SLAIN1: variants seen among roughly 807,000 people sequenced by gnomAD.
SLAIN1 encodes the protein SLAIN motif-containing protein 1.
In SLAIN1, 17 loss-of-function variants were observed where a neutral mutation model predicts 55.4. The observed-to-expected ratio is 0.31, with a 90% confidence interval of 0.21 to 0.46. SLAIN1 has a LOEUF of 0.46. Among genes scored for constraint, SLAIN1 ranks in the 20% least tolerant of loss-of-function variants. The pLI is 1.00. For synonymous variants in SLAIN1, 348 were observed against 337.4 expected (o/e 1.03, Z -0.35); for missense variants, 682 against 785.1 (o/e 0.87, Z 1.57).
chr13:77,751,673 A>G (rs1387090097), intron 4 of SLAIN1, among the ~76,000 whole-genome samples: 1 of 152,116 alleles, frequency 6.6e-6, no homozygotes, highest in African/African-American at 2.4e-5. Flanking sequence ...CAGGCTGGAG[A>G]AGTATAAAGA....
intron 2 of SLAIN1, among the ~76,000 whole-genome samples, chr13:77,731,676 G>A (rs1872867099): frequency 6.6e-6 from 1 of 152,050 alleles, no homozygotes; most frequent in African/African-American, 2.4e-5. Context: ...CGTATCTAGT[G>A]ATCACCTTAT....
At chr13:77,722,744 T>C (rs1594265791) in intron 2 of SLAIN1, among the ~76,000 whole-genome samples, 4 of 152,288 alleles carry the variant, frequency 2.6e-5, no homozygotes, top group Non-Finnish European at 1.5e-5. Context: ...CATTTCTTTT[T>C]CCATCTAACT....
chr13:77,697,912 C>A lies in SLAIN1; in HGVS notation c.-2C>A. On this transcript the variant is annotated 5_prime_UTR_variant, in exon 1 of 7. Coordinates refer to ENST00000418532, the MANE Select transcript of SLAIN1 (RefSeq NM_001242868.2). ...GCGGCCGCGGCGCCCTCGGGGCCCACGATGATGGCGGAGCAGGTGAAATGC... is the reference window on the plus strand; with the variant it reads ...GCGGCCGCGGCGCCCTCGGGGCCCAAGATGATGGCGGAGCAGGTGAAATGC... 4 of 1,392,460 alleles carry A rather than the reference C, an allele frequency of 2.9e-6. No individual in the cohort carries two copies. The highest frequency in any genetic ancestry group is 1.4e-5 in the South Asian group (1 of 71,630). 86.3% of individuals were successfully genotyped at this position (1,392,460 alleles called of 1,614,324 possible).
At chr13:77,737,139 A>G (rs377322258) in intron 2 of SLAIN1, among the ~76,000 whole-genome samples, 2 of 151,830 alleles carry the variant, frequency 1.3e-5, no homozygotes, top group South Asian at 2.1e-4. Flanking sequence ...TCCATGTGCG[A>G]TGGCATCAGT....
intron 1 of SLAIN1, among the ~76,000 whole-genome samples, chr13:77,703,947 A>AT (rs1174646689): frequency 1.4e-5 from 2 of 138,202 alleles, no homozygotes; most frequent in African/African-American, 2.6e-5. Context: ...ATATACACAT[A>AT]TAAAATATAT....
intron 2 of SLAIN1, among the ~76,000 whole-genome samples, chr13:77,722,476 TAAGAA>T (rs1268333927): frequency 1.3e-5 from 2 of 152,300 alleles, no homozygotes; most frequent in Non-Finnish European, 1.5e-5. Flanking sequence ...CAGATATACT[TAAGAA>T]AAGCTATTTG....
chr13:77,699,092 G>A, intron 1 of SLAIN1: 1 of 1,511,974 alleles, frequency 6.6e-7, no homozygotes, highest in Non-Finnish European at 8.9e-7. Flanking sequence ...GCAGTCGTGT[G>A]CCCTTTTGCG....
intron 2 of SLAIN1, among the ~76,000 whole-genome samples, chr13:77,726,155 T>C (rs547803148): frequency 6.6e-6 from 1 of 152,308 alleles, no homozygotes; most frequent in South Asian, 2.1e-4. Flanking sequence ...ATTCTGCCCT[T>C]CTGCAGAAAG....
rs930738605 is a variant in SLAIN1, at chr13:77,715,838, G to T, written c.627-3694G>T. On this transcript the variant is annotated intron_variant, in intron 1 of 6. Coordinates refer to ENST00000418532, the MANE Select transcript of SLAIN1 (RefSeq NM_001242868.2). ...AAGTTCTTTGGTAGATATATGATTT[G>T]CAAATATGTCTTTCCCAATCTGTGG... Among the ~76,000 whole-genome samples the T allele has an allele frequency of 4.6e-5, 7 of 152,116 alleles. No homozygotes were observed. The South Asian group carries it at 1.5e-3, about 32-fold the overall frequency.
chr13:77,720,032 A>G (rs1279444), intron 2 of SLAIN1, among the ~76,000 whole-genome samples: 25,392 of 151,848 alleles, frequency 0.17, 2,512 homozygotes, highest in African/African-American at 0.29. Context: ...AGAAAACAGG[A>G]TTTCATGGGG....
intron 5 of SLAIN1, among the ~76,000 whole-genome samples, chr13:77,759,964 T>C (rs1441715512): frequency 6.6e-6 from 1 of 152,182 alleles, no homozygotes; most frequent in Non-Finnish European, 1.5e-5. Context: ...CTTTTTTGGG[T>C]CTTTTTCCCC....
At chr13:77,699,282 C>T (rs538929572) in intron 1 of SLAIN1, 2 of 319,004 alleles carry the variant, frequency 6.3e-6, no homozygotes, top group South Asian at 8.8e-5. Context: ...AACGAACTGT[C>T]TTTAATTTTT....
intron 2 of SLAIN1, among the ~76,000 whole-genome samples, chr13:77,732,290 T>C (rs1442470758): frequency 6.6e-6 from 1 of 152,132 alleles, no homozygotes; most frequent in Non-Finnish European, 1.5e-5. Context: ...GCGTGAAGAC[T>C]CTTAGTAAAA....
chr13:77,713,835 T>G (rs9574101), intron 1 of SLAIN1, among the ~76,000 whole-genome samples: 26,787 of 152,018 alleles, frequency 0.18, 2,834 homozygotes, highest in African/African-American at 0.27. Context: ...GGAATACTGT[T>G]CAGCCATAAA....
intron 3 of SLAIN1, among the ~76,000 whole-genome samples, chr13:77,745,954 A>C (rs897118316): frequency 4.6e-5 from 7 of 152,102 alleles, no homozygotes; most frequent in Non-Finnish European, 2.9e-5. Context: ...ATGACCTAAA[A>C]CTATTAGAAG....
At position 77,697,942 on chromosome 13, in the gene SLAIN1, C is replaced by G; in HGVS notation, c.29C>G (p.Ser10Trp). ...ATGGCGGAGCAGGTGAAATGCGCCT[C>G]GGCAGGGGTCAGCTCTGGAGCGGGC... MMAEQVKCA[S>W]AGVSSGAGSG... The change falls in exon 1 of 7, where the codon TCG becomes TGG. Residue 10 changes from serine (S) to tryptophan (W), a missense_variant. Transcript: ENST00000418532. 7.0e-7 allele frequency: 1 copy of G among 1,429,890 alleles called. No individual in the cohort carries two copies. Among genetic ancestry groups the G allele is most frequent in the Non-Finnish European group, 9.2e-7 (1 of 1,082,726 alleles). 88.6% of individuals were successfully genotyped at this position (1,429,890 alleles called of 1,614,324 possible). A position where few individuals can be genotyped will look rare whatever the true frequency, so the allele number is the denominator to read the frequency against.
In SLAIN1 at chr13:77,744,448, A is replaced by G. The variant is rs1344138800; in HGVS notation, c.916+16A>G. 1 of 1,608,058 alleles carries G rather than the reference A, an allele frequency of 6.2e-7. No individual in the cohort carries two copies. The highest frequency in any genetic ancestry group is 1.1e-5 in the South Asian group (1 of 91,056). On this transcript the variant is annotated intron_variant, in intron 3 of 6. Transcript: ENST00000418532. ...CAAGAAGAAAGTATGTGTTCTTTCTAAACTAGCAAAATGAGGCTTCCACTT... is the reference window on the plus strand; with the variant it reads ...CAAGAAGAAAGTATGTGTTCTTTCTGAACTAGCAAAATGAGGCTTCCACTT...
chr13:77,721,996 G>GT (rs11431197), intron 2 of SLAIN1, among the ~76,000 whole-genome samples: 18,017 of 145,218 alleles, frequency 0.12, 1,993 homozygotes, highest in African/African-American at 0.3. Context: ...ATAAGGTTAG[G>GT]TTTTTTTTTC....
intron 2 of SLAIN1, among the ~76,000 whole-genome samples, chr13:77,736,512 C>T (rs1026529465): frequency 2.0e-5 from 3 of 152,110 alleles, no homozygotes; most frequent in African/African-American, 7.2e-5. Flanking sequence ...GCCTTATACT[C>T]CTCAAGCTAC....
Sources: allele counts gnomAD v4.1 joint callset (sites outside exome capture counted in the v4.1 genomes callset), GRCh38; gene constraint gnomAD v4.1.1; transcripts MANE v1.5; gene names NCBI Gene and HGNC (gene_info 2026-07-23, HGNC 2026-07-21).